LTBP1: variants seen among roughly 807,000 people sequenced by gnomAD.
LTBP1 encodes the protein latent transforming growth factor beta binding protein 1.
A neutral mutation model predicts 207.6 loss-of-function variants in LTBP1; 129 were observed. The ratio of observed to expected loss-of-function variants is 0.62; its 90% CI spans 0.54 to 0.72. The LOEUF (loss-of-function observed/expected upper bound fraction) is 0.72, where lower values mean the gene tolerates loss of function less well. LTBP1 is among the 30% of genes least tolerant of loss of function. The probability of loss-of-function intolerance (pLI) is 0.00; values close to 1 mark genes in which losing one functional copy is unlikely to be tolerated. For synonymous variants in LTBP1, 963 were observed against 833.7 expected, an observed-to-expected ratio of 1.16 and a Z score of -2.67; for missense variants, 2,281 against 2,217.2, an observed-to-expected ratio of 1.03 and a Z score of -0.58.
chr2:33,310,138 G>A (rs189103415), intron 23 of LTBP1, among the ~76,000 whole-genome samples: 15 of 151,996 alleles, frequency 9.9e-5, no homozygotes, highest in African/African-American at 3.4e-4. Context: ...ACTGGAGACG[G>A]GGGTTTCACC....
At chr2:33,321,528 T>C (rs1335564751) in intron 24 of LTBP1, among the ~76,000 whole-genome samples, 1 of 152,224 alleles carries the variant, frequency 6.6e-6, no homozygotes, top group Non-Finnish European at 1.5e-5. Flanking sequence ...TTCACACTTC[T>C]AGGTACATTT....
intron 3 of LTBP1, among the ~76,000 whole-genome samples, chr2:33,096,038 C>T (rs2079366971): frequency 6.6e-6 from 1 of 151,966 alleles, no homozygotes; most frequent in African/African-American, 2.4e-5. Flanking sequence ...GCTCAGTAAA[C>T]CCCAGGCAAG....
intron 5 of LTBP1, among the ~76,000 whole-genome samples, chr2:33,167,565 G>A (rs569781006): frequency 1.3e-5 from 2 of 152,374 alleles, no homozygotes; most frequent in East Asian, 1.9e-4. Flanking sequence ...GTTGCTTTAA[G>A]AGCATGTGGC....
intron 4 of LTBP1, among the ~76,000 whole-genome samples, chr2:33,119,722 T>C (rs2080991266): frequency 2.0e-5 from 3 of 152,124 alleles, no homozygotes; most frequent in African/African-American, 7.2e-5. Context: ...CACGCCTGGC[T>C]AATTTTTTTG....
chr2:32,967,215 A>G (rs150694), intron 2 of LTBP1, among the ~76,000 whole-genome samples: 57,353 of 151,754 alleles, frequency 0.38, 11,514 homozygotes, highest in Non-Finnish European at 0.45. Flanking sequence ...TTTTTTTCTT[A>G]GTTAGCCTGG....
At chr2:33,107,733 T>G (rs1215568440) in intron 3 of LTBP1, among the ~76,000 whole-genome samples, 1 of 152,214 alleles carries the variant, frequency 6.6e-6, no homozygotes, top group Non-Finnish European at 1.5e-5. Flanking sequence ...ACCTGTAACT[T>G]TAAGGGTATC....
At chr2:33,377,027 G>A (rs115023908) in intron 31 of LTBP1, among the ~76,000 whole-genome samples, 405 of 152,318 alleles carry the variant, frequency 2.7e-3, no homozygotes, top group African/African-American at 9.2e-3. Context: ...CCACATTCCA[G>A]TTATGATCCT....
rs77558192 is a variant in LTBP1, at chr2:33,288,185, C to T, written c.3113-4975C>T. ...TGACATACTCATCTCATTGAAAGTA[C>T]AGGAAGTAATACAGGTAAATTACTG... On this transcript the variant is annotated intron_variant, in intron 19 of 33. Coordinates refer to ENST00000404816, the MANE Select transcript of LTBP1 (RefSeq NM_206943.4). Among the ~76,000 whole-genome samples, 855 of 152,252 alleles carry T rather than the reference C, an allele frequency of 5.6e-3. 2 individuals are homozygous for T. The highest frequency in any genetic ancestry group is 0.01 in the Middle Eastern group (3 of 294).
chr2:33,145,002 T>A (rs2082906908), intron 5 of LTBP1, among the ~76,000 whole-genome samples: 1 of 152,132 alleles, frequency 6.6e-6, no homozygotes. Flanking sequence ...AAGGATAAAG[T>A]TAGTGAGCAT....
chr2:32,986,378 G>A (rs552907166), intron 2 of LTBP1, among the ~76,000 whole-genome samples: 1 of 152,228 alleles, frequency 6.6e-6, no homozygotes, highest in South Asian at 2.1e-4. Context: ...AGATCCTTTG[G>A]TTGTAAGTGG....
chr2:33,171,476 G>A (rs62146674), intron 5 of LTBP1, among the ~76,000 whole-genome samples: 1 of 148,030 alleles, frequency 6.8e-6, no homozygotes, highest in South Asian at 2.2e-4. Context: ...AAAAAGAAAC[G>A]AACAAAGCCT....
chr2:33,029,884 A>G (rs925875815), intron 3 of LTBP1, among the ~76,000 whole-genome samples: 1 of 152,242 alleles, frequency 6.6e-6, no homozygotes, highest in African/African-American at 2.4e-5. Flanking sequence ...TCAAAACAAT[A>G]AAGATTCACC....
At chr2:33,027,437 T>G (rs1360366044) in intron 3 of LTBP1, among the ~76,000 whole-genome samples, 2 of 152,196 alleles carry the variant, frequency 1.3e-5, no homozygotes, top group Non-Finnish European at 2.9e-5. Context: ...GTCACCATGC[T>G]CTTTGTTAGA....
chr2:33,327,774 C>T (rs1228386809), intron 24 of LTBP1, among the ~76,000 whole-genome samples: 1 of 152,016 alleles, frequency 6.6e-6, no homozygotes, highest in Non-Finnish European at 1.5e-5. Context: ...GTAAGAGAGT[C>T]TCTAACCAGG....
chr2:33,322,024 T>G (rs1424181842), intron 24 of LTBP1, among the ~76,000 whole-genome samples: 1 of 152,226 alleles, frequency 6.6e-6, no homozygotes, highest in African/African-American at 2.4e-5. Flanking sequence ...GAGTTGCTTT[T>G]GGACTTGAAA....
chr2:33,231,599 G>A (rs1385005921), intron 9 of LTBP1, among the ~76,000 whole-genome samples: 2 of 152,038 alleles, frequency 1.3e-5, no homozygotes, highest in African/African-American at 4.8e-5. Context: ...ACTGTGAGCA[G>A]GTAAAGGCAG....
chr2:33,343,574 G>T (rs1448650389), intron 25 of LTBP1, among the ~76,000 whole-genome samples: 1 of 152,182 alleles, frequency 6.6e-6, no homozygotes, highest in Non-Finnish European at 1.5e-5. Context: ...AATAGAGTCT[G>T]GTGTGTGGTA....
At chr2:33,072,505 G>A (rs2077842136) in intron 3 of LTBP1, among the ~76,000 whole-genome samples, 1 of 152,190 alleles carries the variant, frequency 6.6e-6, no homozygotes, top group Non-Finnish European at 1.5e-5. Context: ...ATCAGACAAG[G>A]AAGGTCCTCG....
rs577247343 is a variant in LTBP1, at chr2:33,105,792, G to A, written c.864-4790G>A. ...TGTCTGCTGAGTGATCAAGGTGGTGGGTGCTGAAGGTTGGGGTGACTTTGG... is the reference window on the plus strand; with the variant it reads ...TGTCTGCTGAGTGATCAAGGTGGTGAGTGCTGAAGGTTGGGGTGACTTTGG... On this transcript the variant is annotated intron_variant, in intron 3 of 33. Coordinates refer to ENST00000404816, the MANE Select transcript of LTBP1 (RefSeq NM_206943.4). Among the ~76,000 whole-genome samples the A allele has an allele frequency of 9.2e-5, 14 of 152,142 alleles. No individual in the cohort carries two copies. The South Asian group carries it at 2.9e-3, about 32-fold the overall frequency.
Sources: allele counts gnomAD v4.1 joint callset (sites outside exome capture counted in the v4.1 genomes callset), GRCh38; gene constraint gnomAD v4.1.1; transcripts MANE v1.5; gene names NCBI Gene and HGNC (gene_info 2026-07-23, HGNC 2026-07-21).